B3GALT1: variants seen among roughly 807,000 people sequenced by gnomAD.
B3GALT1 encodes beta-1,3-galactosyltransferase 1.
A neutral mutation model predicts 23.2 loss-of-function variants in B3GALT1; 10 were observed. That is an observed-to-expected ratio of 0.43 (90% CI 0.27 to 0.73). B3GALT1 has a LOEUF of 0.73. Ranked by LOEUF, B3GALT1 falls within the 30% of genes least tolerant of loss-of-function variation. The probability of loss-of-function intolerance (pLI) is 0.21; values close to 1 mark genes in which losing one functional copy is unlikely to be tolerated. For missense variants in B3GALT1, 299 were observed against 405.4 expected, an observed-to-expected ratio of 0.74 and a Z score of 2.25; for synonymous variants, 156 against 141.5, an observed-to-expected ratio of 1.10 and a Z score of -0.73.
chr2:167,547,407 T>G (rs1316358348), intron 2 of B3GALT1, among the ~76,000 whole-genome samples: 2 of 152,038 alleles, frequency 1.3e-5, no homozygotes, highest in African/African-American at 4.8e-5. Context: ...TTGTTAAAAG[T>G]CACAGAGGGC....
intron 1 of B3GALT1, among the ~76,000 whole-genome samples, chr2:167,332,632 T>C (rs1696991570): frequency 6.6e-6 from 1 of 152,188 alleles, no homozygotes; most frequent in South Asian, 2.1e-4. Context: ...GGATGTACTT[T>C]CTCTCTCAGA....
intron 3 of B3GALT1, among the ~76,000 whole-genome samples, chr2:167,719,144 A>G (rs1392413448): frequency 6.6e-6 from 1 of 152,218 alleles, no homozygotes; most frequent in Non-Finnish European, 1.5e-5. Context: ...CAGCTTGACT[A>G]CCAAAGCACA....
chr2:167,704,447 A>C (rs1686939237), intron 3 of B3GALT1, among the ~76,000 whole-genome samples: 1 of 152,162 alleles, frequency 6.6e-6, no homozygotes, highest in Non-Finnish European at 1.5e-5. Flanking sequence ...TAATCCTTCT[A>C]AGCAGATATA....
At chr2:167,509,577 C>T (rs1050474368) in intron 2 of B3GALT1, among the ~76,000 whole-genome samples, 36 of 151,958 alleles carry the variant, frequency 2.4e-4, no homozygotes, top group African/African-American at 8.7e-4. Flanking sequence ...CCGAAGAAGC[C>T]CTTTTCTTAA....
At chr2:167,576,299 A>G (rs748362333) in intron 2 of B3GALT1, among the ~76,000 whole-genome samples, 1 of 151,790 alleles carries the variant, frequency 6.6e-6, no homozygotes, top group Non-Finnish European at 1.5e-5. Flanking sequence ...ACTTACCTCA[A>G]AAATATTTTT....
At chr2:167,834,443 GAAA>G (rs1472559652) in intron 4 of B3GALT1, among the ~76,000 whole-genome samples, 1 of 152,180 alleles carries the variant, frequency 6.6e-6, no homozygotes, top group Non-Finnish European at 1.5e-5. Context: ...GTCCGTCCTT[GAAA>G]GCCATTGTGG....
chr2:167,371,449 A>T (rs1375445071), intron 1 of B3GALT1, among the ~76,000 whole-genome samples: 2 of 152,204 alleles, frequency 1.3e-5, no homozygotes, highest in Non-Finnish European at 2.9e-5. Context: ...TTTCCACTTC[A>T]TATATAATGA....
At chr2:167,568,324 C>T (rs1451406785) in intron 2 of B3GALT1, among the ~76,000 whole-genome samples, 9 of 152,000 alleles carry the variant, frequency 5.9e-5, no homozygotes, top group African/African-American at 2.2e-4. Context: ...AACTGTCTTC[C>T]AAAGTACCTA....
intron 1 of B3GALT1, among the ~76,000 whole-genome samples, chr2:167,327,286 G>A (rs1348352785): frequency 6.6e-6 from 1 of 151,906 alleles, no homozygotes; most frequent in Non-Finnish European, 1.5e-5. Flanking sequence ...TCTTTCTGTG[G>A]AAAAATGACA....
At chr2:167,777,641 C>T (rs964947526) in intron 3 of B3GALT1, among the ~76,000 whole-genome samples, 2 of 152,228 alleles carry the variant, frequency 1.3e-5, no homozygotes, top group Admixed American at 1.3e-4. Context: ...AGCCACCACA[C>T]CTGGCCAAAA....
At chr2:167,766,795 T>G (rs796306078) in intron 3 of B3GALT1, among the ~76,000 whole-genome samples, 24 of 152,302 alleles carry the variant, frequency 1.6e-4, no homozygotes, top group African/African-American at 5.1e-4. Flanking sequence ...AAGCTTTGGC[T>G]AACTTTCCCA....
At chr2:167,368,829 C>T (rs1240182294) in intron 1 of B3GALT1, among the ~76,000 whole-genome samples, 2 of 152,136 alleles carry the variant, frequency 1.3e-5, no homozygotes, top group African/African-American at 4.8e-5. Context: ...GATCCCTCTA[C>T]CAACTCAGTC....
At chr2:167,570,068 C>A (rs528481982) in intron 2 of B3GALT1, among the ~76,000 whole-genome samples, 64 of 151,878 alleles carry the variant, frequency 4.2e-4, no homozygotes, top group African/African-American at 1.4e-3. Context: ...ATTTGGTTTG[C>A]TAATATTTTG....
intron 3 of B3GALT1, among the ~76,000 whole-genome samples, chr2:167,735,624 A>G (rs903922279): frequency 6.6e-6 from 1 of 152,226 alleles, no homozygotes; most frequent in Non-Finnish European, 1.5e-5. Flanking sequence ...ATAGATATAT[A>G]TAGATATAGA....
rs1280350009 is a variant in B3GALT1, at chr2:167,637,406, CAT to C, written c.-409-9500_-409-9499del. ...AATATTTTTACGTATTTATGGGGCA[CAT>C]ATGATATTTTGTTACATGCATAGAA... On this transcript the variant is annotated intron_variant, in intron 2 of 4. Coordinates refer to ENST00000392690, the MANE Select transcript of B3GALT1 (RefSeq NM_020981.4). Among the ~76,000 whole-genome samples the C allele has an allele frequency of 2.0e-5, 3 of 151,872 alleles. No homozygotes were observed. In the East Asian group the frequency reaches 5.8e-4, roughly 29 times the overall value.
chr2:167,444,663 T>C (rs961605139), intron 1 of B3GALT1, among the ~76,000 whole-genome samples: 1 of 152,240 alleles, frequency 6.6e-6, no homozygotes, highest in African/African-American at 2.4e-5. Context: ...TAGAGGTGTT[T>C]GTAGTATTCT....
chr2:167,535,917 A>G (rs1468718968), intron 2 of B3GALT1, among the ~76,000 whole-genome samples: 2 of 151,996 alleles, frequency 1.3e-5, no homozygotes, highest in Non-Finnish European at 2.9e-5. Flanking sequence ...TTGCAATTAG[A>G]TTTTTGTTTG....
intron 1 of B3GALT1, among the ~76,000 whole-genome samples, chr2:167,403,749 T>C (rs971549278): frequency 6.6e-6 from 1 of 151,874 alleles, no homozygotes; most frequent in East Asian, 1.9e-4. Context: ...TACAACTCTA[T>C]AGGGAAAGAA....
chr2:167,654,910 A>G (rs1158529165), intron 3 of B3GALT1, among the ~76,000 whole-genome samples: 1 of 151,834 alleles, frequency 6.6e-6, no homozygotes, highest in Non-Finnish European at 1.5e-5. Context: ...CTAAATCAGT[A>G]GTTAGTGTCT....
Sources: gnomAD v4.1 joint callset for allele counts (sites outside exome capture counted in the v4.1 genomes callset) on GRCh38, gnomAD v4.1.1 for gene constraint, MANE v1.5 for transcripts, NCBI Gene and HGNC (gene_info 2026-07-23, HGNC 2026-07-21) for gene names.